The following DOCK3 variants were observed in gnomAD, a reference collection of about 807,000 sequenced individuals.
DOCK3 encodes the protein dedicator of cytokinesis 3.
DOCK3 carries 60 observed loss-of-function variants against 265.6 expected under a neutral mutation model. That is an observed-to-expected ratio of 0.23 (90% confidence interval 0.18 to 0.28). The LOEUF (loss-of-function observed/expected upper bound fraction) is 0.28, where lower values mean the gene tolerates loss of function less well. DOCK3 is among the 10% of genes least tolerant of loss of function. The pLI is 1.00. For synonymous variants in DOCK3, 881 were observed against 938.0 expected (o/e 0.94, Z 1.11); for missense variants, 1,981 against 2,594.3 (o/e 0.76, Z 5.14).
chr3:50,810,076 A>G (rs548297644), intron 2 of DOCK3, among the ~76,000 whole-genome samples: 1 of 152,284 alleles, frequency 6.6e-6, no homozygotes, highest in Non-Finnish European at 1.5e-5. Context: ...TCCAGGCTGC[A>G]GTGAGCTATG....
Position 51,013,787 on chromosome 3 carries a change from A to G in DOCK3, c.316-50661A>G, listed in dbSNP as rs541247295. 7.9e-5 allele frequency among the ~76,000 whole-genome samples: 12 copies of G among 152,324 alleles called. No homozygotes were observed. The South Asian group carries it at 2.5e-3, about 32-fold the overall frequency. ...TGCCCTGTCCCCAGAAGTGGAATCT[A>G]CAGAGACAGTCGGGCCTCATTGAGC... On this transcript the variant is annotated intron_variant, in intron 5 of 52. Transcript: ENST00000266037.
chr3:51,354,780 C>G (rs2086250200), intron 40 of DOCK3, 102 bp from the exon 41 acceptor site: 1 of 1,512,284 alleles, frequency 6.6e-7, no homozygotes, highest in African/African-American at 1.4e-5. Context: ...ACAGAGAAGG[C>G]TCCTAAGATA....
intron 27 of DOCK3, among the ~76,000 whole-genome samples, chr3:51,284,199 T>C (rs548791176): frequency 3.3e-5 from 5 of 152,150 alleles, no homozygotes; most frequent in South Asian, 4.2e-4. Flanking sequence ...CCTCCTAGCA[T>C]TGGGAGCAAG....
chr3:51,148,410 C>A (rs912353669), intron 10 of DOCK3, among the ~76,000 whole-genome samples: 5 of 152,136 alleles, frequency 3.3e-5, no homozygotes, highest in Non-Finnish European at 5.9e-5. Flanking sequence ...GTCATGAAGT[C>A]CTTGCCAATG....
chr3:51,068,117 CATT>C (rs1560016150), intron 6 of DOCK3, among the ~76,000 whole-genome samples: 1 of 152,200 alleles, frequency 6.6e-6, no homozygotes, highest in East Asian at 1.9e-4. Context: ...CTTACACAGA[CATT>C]ATAGCTCTGC....
Position 50,713,710 on chromosome 3 carries a change from C to G in DOCK3, c.37+38410C>G, listed in dbSNP as rs1241231507. Among the ~76,000 whole-genome samples the G allele has an allele frequency of 2.0e-5, 3 of 151,712 alleles. No homozygotes were observed. The East Asian group carries it at 5.8e-4, about 29-fold the overall frequency. On this transcript the variant is annotated intron_variant, in intron 1 of 52. Transcript: ENST00000266037. The stretch of plus-strand genomic sequence containing the variant: ...TCTGGATGCAGATATCACATACTTA[C>G]TAGATTTCGCCATTTGGATGTCTCC...
At chr3:51,017,720 T>C (rs900223528) in intron 5 of DOCK3, among the ~76,000 whole-genome samples, 27 of 151,850 alleles carry the variant, frequency 1.8e-4, no homozygotes, top group Non-Finnish European at 3.8e-4. Context: ...TTAGAGAGGA[T>C]ACTTGATGTT....
chr3:51,280,895 A>C (rs972828543), intron 27 of DOCK3, among the ~76,000 whole-genome samples: 13 of 152,286 alleles, frequency 8.5e-5, no homozygotes, highest in Middle Eastern at 3.4e-3. Flanking sequence ...CCACAAAGGC[A>C]GCCACTTTCA....
At chr3:50,751,808 T>C (rs1432379172) in intron 1 of DOCK3, among the ~76,000 whole-genome samples, 1 of 152,162 alleles carries the variant, frequency 6.6e-6, no homozygotes, top group African/African-American at 2.4e-5. Context: ...ACAGTCATGG[T>C]GGAAGGCAAA....
At position 51,045,193 on chromosome 3, in the gene DOCK3, C is replaced by T. The variant is rs556693733; in HGVS notation, c.316-19255C>T. On this transcript the variant is annotated intron_variant, in intron 5 of 52. Transcript: ENST00000266037. ...GACAGATGCATGACTCTTGTTTTCC[C>T]CTTCAACACTTAGAGGCCCATTGTA... is the stretch of plus-strand genomic sequence containing the variant. 9.9e-5 allele frequency among the ~76,000 whole-genome samples: 15 copies of T among 152,204 alleles called. No homozygotes were observed. In the South Asian group the frequency reaches 3.1e-3, roughly 32 times the overall value.
intron 3 of DOCK3, chr3:50,863,329 A>C: frequency 4.1e-6 from 2 of 493,612 alleles, no homozygotes; most frequent in South Asian, 3.1e-5. Flanking sequence ...TCTGAGGGGA[A>C]TGCAGATAGC....
intron 5 of DOCK3, among the ~76,000 whole-genome samples, chr3:51,047,784 T>C (rs1008225642): frequency 6.6e-6 from 1 of 152,158 alleles, no homozygotes; most frequent in African/African-American, 2.4e-5. Context: ...CGGGACCAGA[T>C]GGCTTAACAG....
At chr3:51,155,706 C>G (rs1293590428) in intron 10 of DOCK3, among the ~76,000 whole-genome samples, 1 of 152,068 alleles carries the variant, frequency 6.6e-6, no homozygotes, top group Non-Finnish European at 1.5e-5. Context: ...TTAGGGTTTC[C>G]TACCAAGGAA....
chr3:50,902,879 G>A (rs1559791455), intron 4 of DOCK3, among the ~76,000 whole-genome samples: 1 of 152,020 alleles, frequency 6.6e-6, no homozygotes, highest in African/African-American at 2.4e-5. Context: ...CCCTGAAGAG[G>A]TCCTACACCT....
chr3:51,196,325 T>G (rs1014211663), intron 12 of DOCK3, among the ~76,000 whole-genome samples: 1 of 152,182 alleles, frequency 6.6e-6, no homozygotes, highest in South Asian at 2.1e-4. Context: ...TTGCTGTTTT[T>G]GGGATTTGCT....
intron 5 of DOCK3, among the ~76,000 whole-genome samples, chr3:51,049,793 C>CACACA (rs1553745084): frequency 1.6e-3 from 232 of 147,304 alleles, no homozygotes; most frequent in African/African-American, 5.5e-3. Flanking sequence ...CCTAATGGGT[C>CACACA]CACACACACA....
chr3:51,060,795 A>G (rs994307827), intron 5 of DOCK3, among the ~76,000 whole-genome samples: 3 of 152,178 alleles, frequency 2.0e-5, no homozygotes, highest in Non-Finnish European at 4.4e-5. Flanking sequence ...TGGTTACTGT[A>G]GCCTTGTAGT....
At chr3:50,695,675 A>G (rs147306104) in intron 1 of DOCK3, among the ~76,000 whole-genome samples, 1 of 152,222 alleles carries the variant, frequency 6.6e-6, no homozygotes, top group Admixed American at 6.5e-5. Flanking sequence ...AACTTTCCAC[A>G]ATCCTCAGCT....
chr3:51,019,029 C>T (rs955423341), intron 5 of DOCK3, among the ~76,000 whole-genome samples: 2 of 151,690 alleles, frequency 1.3e-5, no homozygotes, highest in African/African-American at 4.9e-5. Context: ...ACCACCACAC[C>T]TGGTAAAGTT....
Sources: allele counts gnomAD v4.1 joint callset (sites outside exome capture counted in the v4.1 genomes callset), GRCh38; gene constraint gnomAD v4.1.1; transcripts MANE v1.5; gene names NCBI Gene and HGNC (gene_info 2026-07-23, HGNC 2026-07-21).